SLC12A8: variants seen among roughly 807,000 people sequenced by gnomAD.
SLC12A8 encodes solute carrier family 12 member 8.
In SLC12A8, 69 loss-of-function variants were observed where a neutral mutation model predicts 75.6. The observed-to-expected ratio is 0.91, with a 90% CI of 0.75 to 1.11. SLC12A8 has a LOEUF of 1.11. Ranked by LOEUF, SLC12A8 falls within the 50% of genes most tolerant of loss-of-function variation. SLC12A8 has a pLI of 0.00. For missense variants in SLC12A8, 877 were observed against 896.7 expected (o/e 0.98, Z 0.28); for synonymous variants, 365 against 372.8 (o/e 0.98, Z 0.24).
chr3:125,144,898 C>G (rs1473679602), intron 5 of SLC12A8, among the ~76,000 whole-genome samples: 1 of 151,986 alleles, frequency 6.6e-6, no homozygotes, highest in Admixed American at 6.6e-5. Flanking sequence ...GTAAGCAGAG[C>G]CCCCCTCCTG....
intron 6 of SLC12A8, among the ~76,000 whole-genome samples, chr3:125,129,862 T>C (rs1933309590): frequency 1.3e-5 from 2 of 152,176 alleles, no homozygotes; most frequent in Admixed American, 6.5e-5. Flanking sequence ...ATTGGGGCCC[T>C]GAAAAACAGA....
At chr3:125,130,381 C>A (rs950473339) in intron 6 of SLC12A8, among the ~76,000 whole-genome samples, 79 of 152,056 alleles carry the variant, frequency 5.2e-4, no homozygotes, top group African/African-American at 1.9e-3. Flanking sequence ...CACTTGAGGT[C>A]AAGAGTTCGA....
intron 2 of SLC12A8, among the ~76,000 whole-genome samples, chr3:125,191,226 G>A (rs1049303782): frequency 1.3e-5 from 2 of 152,178 alleles, no homozygotes; most frequent in Non-Finnish European, 2.9e-5. Flanking sequence ...TGGAATCAGA[G>A]GCGAATAATG....
At chr3:125,144,783 G>T (rs1249945332) in intron 5 of SLC12A8, among the ~76,000 whole-genome samples, 1 of 152,146 alleles carries the variant, frequency 6.6e-6, no homozygotes, top group African/African-American at 2.4e-5. Flanking sequence ...AGTCTTCCCT[G>T]CCCCACTGTT....
At chr3:125,201,960 T>C (rs1935129113) in intron 2 of SLC12A8, among the ~76,000 whole-genome samples, 1 of 152,148 alleles carries the variant, frequency 6.6e-6, no homozygotes, top group African/African-American at 2.4e-5. Flanking sequence ...CAGGCTGGAG[T>C]GCAGGGGTTT....
intron 2 of SLC12A8, among the ~76,000 whole-genome samples, chr3:125,198,267 A>C (rs987700104): frequency 1.1e-4 from 17 of 148,754 alleles, no homozygotes; most frequent in African/African-American, 2.2e-4. Context: ...AAAAAAAAAA[A>C]AACAAAACAG....
rs572486829 is a variant in SLC12A8 at position 125,137,149 on chromosome 3, C to T, written c.623-1367G>A. ...CCAAGCTTCCATCCACAAAAGAAGGCTCCTGCCACTCTGATGAGTCCAATG... is the reference window on the plus strand; with the variant it reads ...CCAAGCTTCCATCCACAAAAGAAGGTTCCTGCCACTCTGATGAGTCCAATG... On this transcript the variant is annotated intron_variant, in intron 5 of 13. Coordinates refer to ENST00000469902, the MANE Select transcript of SLC12A8 (RefSeq NM_024628.6). 1.7e-3 allele frequency among the ~76,000 whole-genome samples: 259 copies of T among 152,308 alleles called. 1 individual carries two copies. Among genetic ancestry groups the T allele is most frequent in the Non-Finnish European group, 1.6e-3 (106 of 68,034 alleles).
intron 13 of SLC12A8, among the ~76,000 whole-genome samples, chr3:125,086,551 T>C (rs931987076): frequency 1.3e-5 from 2 of 152,152 alleles, no homozygotes; most frequent in African/African-American, 4.8e-5. Flanking sequence ...AAAAATAGTC[T>C]CACCCACACA....
intron 8 of SLC12A8, among the ~76,000 whole-genome samples, chr3:125,111,909 C>T (rs1579477898): frequency 6.6e-6 from 1 of 152,364 alleles, no homozygotes; most frequent in East Asian, 1.9e-4. Flanking sequence ...GAGGCACACC[C>T]AGCCTCTTCC....
intron 2 of SLC12A8, 130 bp from the exon 3 acceptor site, chr3:125,190,651 A>G (rs1273583043): frequency 2.4e-5 from 26 of 1,065,180 alleles, no homozygotes; most frequent in Non-Finnish European, 3.5e-5. Flanking sequence ...GTGCCAGGGC[A>G]AGTGTGTGTG....
chr3:125,158,868 A>G (rs1294480029), intron 5 of SLC12A8, among the ~76,000 whole-genome samples: 1 of 152,190 alleles, frequency 6.6e-6, no homozygotes, highest in African/African-American at 2.4e-5. Flanking sequence ...ACCCACCAAG[A>G]GAAAATACCT....
chr3:125,188,607 AG>A (rs1197214282), intron 3 of SLC12A8, among the ~76,000 whole-genome samples: 1 of 152,236 alleles, frequency 6.6e-6, no homozygotes, highest in Non-Finnish European at 1.5e-5. Context: ...ACTTCTAAGA[AG>A]GAGATGTAAT....
At chr3:125,200,268 C>T (rs929126614) in intron 2 of SLC12A8, among the ~76,000 whole-genome samples, 14 of 151,948 alleles carry the variant, frequency 9.2e-5, no homozygotes, top group South Asian at 4.2e-4. Context: ...GGGAACATGG[C>T]GAAACCCCGT....
Position 125,108,148 on chromosome 3 carries a change from G to T in SLC12A8, c.1060-22C>A, listed in dbSNP as rs149601628. 3.2e-3 allele frequency: 5,024 copies of T among 1,589,518 alleles called. 13 individuals are homozygous for T. Among genetic ancestry groups the T allele is most frequent in the Non-Finnish European group, 3.7e-3 (4,293 of 1,168,450 alleles). ...CCTTCTGCAGGAACAAAAATAACATGCAGGACCATAAAATTTCAGATAGAA... is the reference window on the plus strand; with the variant it reads ...CCTTCTGCAGGAACAAAAATAACATTCAGGACCATAAAATTTCAGATAGAA... On this transcript the variant is annotated intron_variant, in intron 9 of 13. Transcript: ENST00000469902.
chr3:125,183,124 G>A (rs1016711463), intron 4 of SLC12A8, among the ~76,000 whole-genome samples: 2 of 152,058 alleles, frequency 1.3e-5, no homozygotes, highest in African/African-American at 2.4e-5. Context: ...CAAGGCCTTC[G>A]TCCACACACT....
At chr3:125,103,900 C>A (rs1322051889) in intron 10 of SLC12A8, among the ~76,000 whole-genome samples, 1 of 151,740 alleles carries the variant, frequency 6.6e-6, no homozygotes, top group Non-Finnish European at 1.5e-5. Context: ...TCCCAAAGTG[C>A]TGGATTACAG....
rs940030696 is a variant in SLC12A8, at chr3:125,138,260, C to A, written c.623-2478G>T. Reference sequence around the variant, plus strand: ...TACTAAAAATACAAAAATTAGCCGGCCGTGATGGGGTGTGCCTGTAGTCCC... The same window carrying A: ...TACTAAAAATACAAAAATTAGCCGGACGTGATGGGGTGTGCCTGTAGTCCC... On this transcript the variant is annotated intron_variant, in intron 5 of 13. Transcript: ENST00000469902. Among the ~76,000 whole-genome samples, 7 of 151,986 alleles carry A rather than the reference C, an allele frequency of 4.6e-5. 1 individual carries two copies. Among genetic ancestry groups the A allele is most frequent in the Non-Finnish European group, 8.8e-5 (6 of 67,996 alleles).
At position 125,088,354 on chromosome 3, in the gene SLC12A8, G is replaced by T. The variant is rs747673840; in HGVS notation, c.1938C>A (p.Phe646Leu). 1 of 1,614,232 alleles carries T rather than the reference G, an allele frequency of 6.2e-7. No individual in the cohort carries two copies. The highest frequency in any genetic ancestry group is 1.1e-5 in the South Asian group (1 of 91,090). The change falls in exon 13 of 14, where the codon TTC (phenylalanine) becomes TTA (leucine). Residue 646 changes from phenylalanine (F) to leucine (L), a missense_variant. By Grantham distance (22) the Phe-to-Leu change is conservative. Transcript: ENST00000469902. ...GAGACCTCATCCACCGGAAAAAGCT[G>T]AAGTTGGAGGCTGATCCTGCAGGGA... ...PGLHLGSASN[F>L]SFFRWMRSLL... is the part of the protein sequence containing the mutation.
chr3:125,143,856 TC>T (rs760338354), intron 5 of SLC12A8, among the ~76,000 whole-genome samples: 5 of 152,278 alleles, frequency 3.3e-5, no homozygotes, highest in Non-Finnish European at 5.9e-5. Context: ...CAAGAGCAGC[TC>T]CTGCCATGCC....
Sources: allele counts gnomAD v4.1 joint callset (sites outside exome capture counted in the v4.1 genomes callset), GRCh38; gene constraint gnomAD v4.1.1; transcripts MANE v1.5; gene names NCBI Gene and HGNC (gene_info 2026-07-23, HGNC 2026-07-21).